The following SNX6 variants were observed in gnomAD, a reference collection of about 807,000 sequenced individuals.
SNX6 encodes sorting nexin 6, also known as sorting nexin-6.
SNX6 carries 34 observed loss-of-function variants against 63.0 expected under a neutral mutation model. The observed-to-expected ratio is 0.54, with a 90% CI of 0.41 to 0.72. The LOEUF (loss-of-function observed/expected upper bound fraction) is 0.72, where lower values mean the gene tolerates loss of function less well. Among genes scored for constraint, SNX6 ranks in the 30% least tolerant of loss-of-function variants. The pLI, the probability that SNX6 is intolerant of heterozygous loss-of-function variation, is 0.00. For missense variants in SNX6, 398 were observed against 471.4 expected (o/e 0.84, Z 1.44); for synonymous variants, 170 against 164.2 (o/e 1.04, Z -0.27).
chr14:34,568,126 T>C (rs1403102526), intron 11 of SNX6, 113 bp from the exon 12 acceptor site: 14 of 780,160 alleles, frequency 1.8e-5, no homozygotes, highest in Non-Finnish European at 2.5e-5. Context: ...TAGTGAATAC[T>C]ACATGCCAGT....
intron 8 of SNX6, among the ~76,000 whole-genome samples, chr14:34,588,925 A>G (rs1303290421): frequency 1.3e-5 from 2 of 151,972 alleles, no homozygotes; most frequent in Non-Finnish European, 2.9e-5. Flanking sequence ...CATGAGGTCA[A>G]GAGTTCAAGA....
At chr14:34,571,382 G>A (rs1881446042) in intron 11 of SNX6, among the ~76,000 whole-genome samples, 2 of 151,942 alleles carry the variant, frequency 1.3e-5, no homozygotes, top group Non-Finnish European at 2.9e-5. Context: ...ACAGTGAGCC[G>A]AGATCATGCC....
At chr14:34,580,033 A>G (rs1184159216) in intron 10 of SNX6, among the ~76,000 whole-genome samples, 1 of 152,102 alleles carries the variant, frequency 6.6e-6, no homozygotes, top group Non-Finnish European at 1.5e-5. Flanking sequence ...AAAAATACAA[A>G]AATTAGCCTG....
chr14:34,605,949 G>C (rs1372728281), intron 4 of SNX6, among the ~76,000 whole-genome samples: 1 of 151,802 alleles, frequency 6.6e-6, no homozygotes, highest in Non-Finnish European at 1.5e-5. Flanking sequence ...TGAGGTGGGC[G>C]GATCACCTGA....
At chr14:34,605,822 G>A in intron 4 of SNX6, 105 bp from the exon 5 acceptor site, 12 of 1,344,742 alleles carry the variant, frequency 8.9e-6, no homozygotes, top group Non-Finnish European at 8.9e-6. Flanking sequence ...AGGGGATCCA[G>A]AATGAGCTGA....
chr14:34,578,937 CAAAAAAAAAAA>C (rs71121210), intron 10 of SNX6, among the ~76,000 whole-genome samples: 14 of 22,542 alleles, frequency 6.2e-4, no homozygotes, highest in South Asian at 4.6e-3. Flanking sequence ...GACTTCATCT[CAAAAAAAAAAA>C]AAAAAAAAAA....
chr14:34,579,500 T>A (rs2138288056), intron 10 of SNX6, among the ~76,000 whole-genome samples: 1 of 152,098 alleles, frequency 6.6e-6, no homozygotes, highest in East Asian at 1.9e-4. Flanking sequence ...CCTAACTACT[T>A]GGGAGGCTGA....
chr14:34,576,218 C>T (rs1250440515), intron 10 of SNX6, among the ~76,000 whole-genome samples: 2 of 151,884 alleles, frequency 1.3e-5, no homozygotes. Context: ...AGCCACCGCG[C>T]CCGGCCTCGT....
chr14:34,610,114 C>A (rs529057737), intron 2 of SNX6, among the ~76,000 whole-genome samples: 1 of 150,400 alleles, frequency 6.6e-6, no homozygotes, highest in East Asian at 1.9e-4. Flanking sequence ...GAGGCTGAAG[C>A]GGGAGGACTG....
chr14:34,592,930 TC>T, intron 8 of SNX6, 114 bp downstream of exon 8: 1 of 737,020 alleles, frequency 1.4e-6, no homozygotes, highest in East Asian at 2.9e-5. Flanking sequence ...GAGCCTAGGC[TC>T]CAACAGACCA....
chr14:34,566,983 G>A (rs1223701343), intron 13 of SNX6, among the ~76,000 whole-genome samples: 1 of 152,060 alleles, frequency 6.6e-6, no homozygotes, highest in Non-Finnish European at 1.5e-5. Flanking sequence ...AGCACTACGG[G>A]AGGCCGAGGC....
intron 6 of SNX6, among the ~76,000 whole-genome samples, chr14:34,600,260 G>A (rs144108835): frequency 9.1e-4 from 139 of 152,224 alleles, no homozygotes; most frequent in African/African-American, 3.1e-3. Context: ...AAGTAGCTGG[G>A]ATTACAGGCA....
At position 34,569,135 on chromosome 14, in the gene SNX6, G is replaced by A. The variant is rs142653698; in HGVS notation, c.922-1122C>T. 2.1e-3 allele frequency: 1,796 copies of A among 838,768 alleles called. 7 individuals are homozygous for A. In the African/African-American group the frequency reaches 0.022, roughly 11 times the overall value. The allele number at this position is 838,768 out of a possible 1,614,324, so 52.0% of individuals were successfully genotyped here. On this transcript the variant is annotated intron_variant, in intron 11 of 13. Coordinates refer to ENST00000362031, the MANE Select transcript of SNX6 (RefSeq NM_152233.4). ...TTTACAGTAACTCCAGGCATCATGC[G>A]GCCCGGCCTGTGCACTGCCAGCCAG... is the stretch of plus-strand genomic sequence containing the variant.
At chr14:34,612,125 G>C (rs982365159) in intron 2 of SNX6, among the ~76,000 whole-genome samples, 6 of 151,672 alleles carry the variant, frequency 4.0e-5, no homozygotes, top group African/African-American at 1.5e-4. Context: ...TTTTTAAATA[G>C]AGACAGGGTC....
chr14:34,592,024 A>C (rs1286180208), intron 8 of SNX6, among the ~76,000 whole-genome samples: 2 of 152,200 alleles, frequency 1.3e-5, no homozygotes, highest in East Asian at 3.9e-4. Context: ...ATGTATACCC[A>C]AGGGTAGAGA....
At chr14:34,592,355 C>T (rs1882428546) in intron 8 of SNX6, among the ~76,000 whole-genome samples, 2 of 151,976 alleles carry the variant, frequency 1.3e-5, no homozygotes, top group South Asian at 4.1e-4. Flanking sequence ...CACCGCTGCA[C>T]TCCAGCCTGG....
At chr14:34,601,264 C>T (rs1180306878) in intron 6 of SNX6, among the ~76,000 whole-genome samples, 12 of 144,766 alleles carry the variant, frequency 8.3e-5, no homozygotes, top group Admixed American at 1.4e-4. Context: ...CTCGCTTTGT[C>T]ACCCAGGCTG....
At chr14:34,602,539 C>T (rs564667985) in intron 6 of SNX6, among the ~76,000 whole-genome samples, 2 of 145,254 alleles carry the variant, frequency 1.4e-5, no homozygotes, top group South Asian at 2.2e-4. Flanking sequence ...CACAGTGAGC[C>T]AAGATTGCGC....
intron 5 of SNX6, among the ~76,000 whole-genome samples, chr14:34,605,224 T>C (rs1167676132): frequency 6.0e-5 from 9 of 150,426 alleles, no homozygotes; most frequent in Admixed American, 4.6e-4. Flanking sequence ...GCTTTGTAAA[T>C]AGAAAAAAAA....
Sources: gnomAD v4.1 joint callset for allele counts (sites outside exome capture counted in the v4.1 genomes callset) on GRCh38, gnomAD v4.1.1 for gene constraint, MANE v1.5 for transcripts, NCBI Gene and HGNC (gene_info 2026-07-23, HGNC 2026-07-21) for gene names.